The following PIDD1 variants were observed in gnomAD, a reference collection of about 807,000 sequenced individuals.
PIDD1 encodes the protein p53-induced death domain-containing protein 1.
In PIDD1, 72 loss-of-function variants were observed where a neutral mutation model predicts 80.0. That is an observed-to-expected ratio of 0.90 (90% CI 0.74 to 1.09). The LOEUF (loss-of-function observed/expected upper bound fraction) is 1.09, where lower values mean the gene tolerates loss of function less well. PIDD1 is among the 50% of genes least tolerant of loss of function. PIDD1 has a pLI of 0.00. For missense variants in PIDD1, 1,329 were observed against 1,228.3 expected, an observed-to-expected ratio of 1.08 and a Z score of -1.23; for synonymous variants, 655 against 543.5, an observed-to-expected ratio of 1.21 and a Z score of -2.85.
intron 3 of PIDD1, 125 bp downstream of exon 3, chr11:803,049 G>A: frequency 1.1e-6 from 1 of 948,276 alleles, no homozygotes; most frequent in South Asian, 1.6e-5. Context: ...AGGCCAGGGA[G>A]GTGGAGGGAC....
At chr11:800,940 G>C (rs757009222) in intron 10 of PIDD1, 28 bp from the exon 11 acceptor site, 2 of 1,595,668 alleles carry the variant, frequency 1.3e-6, no homozygotes, top group South Asian at 1.1e-5. Context: ...GAGGAGGGCT[G>C]TACAGACTGG....
intron 1 of PIDD1, 95 bp from the exon 2 acceptor site, chr11:804,558 A>G (rs1355043243): frequency 7.7e-7 from 1 of 1,298,100 alleles, no homozygotes; most frequent in East Asian, 2.6e-5. Context: ...CTCTAGAGCC[A>G]GGCCATCTGG....
At chr11:801,899 G>A in intron 7 of PIDD1, 66 bp downstream of exon 7, 1 of 1,572,090 alleles carries the variant, frequency 6.4e-7, no homozygotes, top group Non-Finnish European at 8.6e-7. Context: ...TGAGGCTCTG[G>A]GCAGAGGTGC....
At chr11:807,224 C>T (rs1865825410), upstream of PIDD1, among the ~76,000 whole-genome samples, 2 of 148,938 alleles carry the variant, frequency 1.3e-5, no homozygotes, top group Admixed American at 1.3e-4. Flanking sequence ...GGCGCTGTGG[C>T]TCGCATCTGT....
In PIDD1 at chr11:802,034, C is replaced by T; in HGVS notation, c.1233G>A (p.Val411=). The T allele has an allele frequency of 6.3e-7, 1 of 1,597,754 alleles. No homozygotes were observed. Among genetic ancestry groups the T allele is most frequent in the South Asian group, 1.1e-5 (1 of 88,580 alleles). ...TPPQARRCRE[V]VVRTRNDNSW... ...TGTTGTCATTCCGGGTCCTGACCAC[C>T]ACTTCACGGCAGCGCCGGGCCTGCG... The change falls in exon 7 of 16, where the codon GTG becomes GTA. Residue 411 remains valine, a synonymous_variant. Transcript: ENST00000347755.
rs1865467925 is a variant in PIDD1, at chr11:802,716, CA to C, written c.884del (p.Leu295ArgfsTer25). The C allele has an allele frequency of 1.2e-6, 2 of 1,611,832 alleles. No individual in the cohort carries two copies. Among genetic ancestry groups the C allele is most frequent in the Non-Finnish European group, 1.7e-6 (2 of 1,179,402 alleles). ...APFVRLQGNP[L>X]GEASPDAPSS... ...TCGGGGCGTCTGGCGAGGCCTCACC[CA>C]GGGGGTTCCCCTGCAGGCGCACAAA... is the stretch of plus-strand genomic sequence containing the variant. On this transcript the variant is annotated frameshift_variant, in exon 4 of 16. Transcript: ENST00000347755. LOFTEE classifies it high-confidence loss of function.
Position 799,427 on chromosome 11 carries a change from T to C in PIDD1, c.2613A>G (p.Ala871=), listed in dbSNP as rs1459307762. ...DRQDVAEEVR[A]VLELGRRKYQ... is the part of the protein sequence containing the mutation. ...ACTTGCGGCGGCCGAGCTCCAAGAC[T>C]GCGCGCACCTCTTCAGCCACGTCCT... Residue 871 remains alanine (A), a synonymous_variant, in exon 16 of 16, where the codon GCA becomes GCG. Transcript: ENST00000347755. 1.9e-6 allele frequency: 3 copies of C among 1,611,274 alleles called. No individual in the cohort carries two copies. Among genetic ancestry groups the C allele is most frequent in the Middle Eastern group, 1.6e-4 (1 of 6,080 alleles).
chr11:799,200 G>T lies in PIDD1; in HGVS notation c.*107C>A. ...GCTCTGAGGTGAAAGAAACAGTGCA[G>T]TTTTGTTGCTCACAGGGACCCGTCC... is the stretch of plus-strand genomic sequence containing the variant. On this transcript the variant is annotated 3_prime_UTR_variant, in exon 16 of 16. Transcript: ENST00000347755. 8.6e-7 allele frequency: 1 copy of T among 1,159,404 alleles called. No individual in the cohort carries two copies. Among genetic ancestry groups the T allele is most frequent in the Non-Finnish European group, 1.2e-6 (1 of 845,706 alleles). 71.8% of individuals were successfully genotyped at this position (1,159,404 alleles called of 1,614,324 possible).
intron 1 of PIDD1, 56 bp from the exon 2 acceptor site, chr11:804,519 G>A (rs536750552): frequency 7.0e-7 from 1 of 1,429,776 alleles, no homozygotes; most frequent in Non-Finnish European, 9.1e-7. Flanking sequence ...TCTCTTTGGG[G>A]AAACAGGGAC....
upstream of PIDD1, among the ~76,000 whole-genome samples, chr11:808,455 G>A (rs562132686): frequency 8.0e-5 from 12 of 150,674 alleles, no homozygotes; most frequent in African/African-American, 2.4e-4. Context: ...GGGGCCGGGC[G>A]CGGTAGCTCA....
upstream of PIDD1, among the ~76,000 whole-genome samples, chr11:806,251 G>A (rs1054085371): frequency 5.3e-5 from 8 of 151,954 alleles, no homozygotes; most frequent in African/African-American, 1.5e-4. Flanking sequence ...CCTCGCCCAG[G>A]AGAACAGGTA....
upstream of PIDD1, chr11:805,787 G>T: frequency 1.6e-6 from 1 of 619,402 alleles, no homozygotes; most frequent in Non-Finnish European, 2.0e-6. Context: ...CAATCGCGCA[G>T]GGGAGAAGGA....
chr11:804,346 C>A lies in PIDD1; in HGVS notation c.43G>T (p.Ala15Ser), dbSNP rs778618724. 19 of 1,609,258 alleles carry A rather than the reference C, an allele frequency of 1.2e-5. No homozygotes were observed. The highest frequency in any genetic ancestry group is 9.3e-5 in the African/African-American group (7 of 74,906). ...VEGPELEAAA[A>S]AGDASEDSDA... is the part of the protein sequence containing the mutation. The stretch of plus-strand genomic sequence containing the variant: ...GAATCCTCTGAAGCATCTCCTGCGG[C>A]AGCAGCTGCCTCCAGCTCTGGCCCC... The change falls in exon 2 of 16, where the codon GCC becomes TCC. Residue 15 changes from alanine to serine, a missense_variant. By Grantham distance (99) the Ala-to-Ser change is moderately conservative (BLOSUM62 1). Coordinates refer to ENST00000347755, the MANE Select transcript of PIDD1 (RefSeq NM_145886.4).
At position 799,328 on chromosome 11, in the gene PIDD1, G is replaced by A; in HGVS notation, c.2712C>T (p.Pro904=). 6.2e-7 allele frequency: 1 copy of A among 1,605,862 alleles called. No individual in the cohort carries two copies. The highest frequency in any genetic ancestry group is 8.5e-7 in the Non-Finnish European group (1 of 1,177,604). The change falls in exon 16 of 16, where the codon CCC becomes CCT. Residue 904 remains proline (P), a synonymous_variant. Coordinates refer to ENST00000347755, the MANE Select transcript of PIDD1 (RefSeq NM_145886.4). ...GGGCCTAGGCCTGGGCAGGCTCTGG[G>A]GGCTGTGGAGCCGAGGAGCCAGGCA... The part of the protein sequence containing the change: ...PALPGSSAPQ[P]PEPAQA
chr11:799,714 C>G (rs1865074013), intron 15 of PIDD1, 101 bp downstream of exon 15: 2 of 1,377,292 alleles, frequency 1.5e-6, no homozygotes, highest in Non-Finnish European at 1.9e-6. Context: ...TGCCCTTCCC[C>G]CACCTCCCCT....
At chr11:802,481 T>C (rs987759474) in intron 5 of PIDD1, 62 bp downstream of exon 5, 1 of 1,600,528 alleles carries the variant, frequency 6.2e-7, no homozygotes. Context: ...GGAGAAGGTG[T>C]CGGAGGGGCC....
At chr11:806,686 C>G (rs1025133349), upstream of PIDD1, among the ~76,000 whole-genome samples, 6 of 152,000 alleles carry the variant, frequency 3.9e-5, no homozygotes, top group Non-Finnish European at 5.9e-5. Context: ...GGGTTCACAC[C>G]GTTCTCCTGC....
intron 2 of PIDD1, 121 bp from the exon 3 acceptor site, chr11:803,708 G>A (rs1030529440): frequency 9.0e-7 from 1 of 1,116,346 alleles, no homozygotes; most frequent in Admixed American, 2.3e-5. Flanking sequence ...CCCCACCCCA[G>A]CCAGACAGGG....
rs1352465623 is a variant in PIDD1, at chr11:801,988, A to G, written c.1279T>C (p.Tyr427His). 7 of 1,603,844 alleles carry G rather than the reference A, an allele frequency of 4.4e-6. No individual in the cohort carries two copies. The highest frequency in any genetic ancestry group is 4.0e-5 in the African/African-American group (3 of 74,742). Residue 427 changes from tyrosine to histidine, a missense_variant, in exon 7 of 16, where the codon TAC (tyrosine) becomes CAC (histidine). By Grantham distance (83) the Tyr-to-His change is moderately conservative. Coordinates refer to ENST00000347755, the MANE Select transcript of PIDD1 (RefSeq NM_145886.4). ...ACCTGGGGTGCCTCTTCCTCCAGGT[A>G]GGTCTCCAGGTCACCCCAGCTGTTG... is the stretch of plus-strand genomic sequence containing the variant. ...NDNSWGDLET[Y>H]LEEEAPQRLW...
Sources: allele counts gnomAD v4.1 joint callset (sites outside exome capture counted in the v4.1 genomes callset), GRCh38; gene constraint gnomAD v4.1.1; transcripts MANE v1.5; gene names NCBI Gene and HGNC (gene_info 2026-07-23, HGNC 2026-07-21).